Variants in PHACTR2 observed in about 807,000 individuals in gnomAD.
PHACTR2 encodes chromosome 6 open reading frame 56.
PHACTR2 carries 30 observed loss-of-function variants against 76.0 expected under a neutral mutation model. That is an observed-to-expected ratio of 0.39 (90% CI 0.30 to 0.54). The LOEUF is 0.54. Among genes scored for constraint, PHACTR2 ranks in the 20% least tolerant of loss-of-function variants. The probability of loss-of-function intolerance (pLI) is 0.61; values close to 1 mark genes in which losing one functional copy is unlikely to be tolerated. For missense variants in PHACTR2, 696 were observed against 781.1 expected (o/e 0.89, Z 1.30); for synonymous variants, 292 against 292.5 (o/e 1.00, Z 0.02).
rs1778124458 is a variant in PHACTR2 at position 143,709,572 on chromosome 6, C to G, written c.47-2444C>G. Among the ~76,000 whole-genome samples, 1 of 152,210 alleles carries G rather than the reference C, an allele frequency of 6.6e-6. No individual in the cohort carries two copies. Among genetic ancestry groups the G allele is most frequent in the Non-Finnish European group, 1.5e-5 (1 of 68,044 alleles). ...TTTTAACTGGCTTTGTCTGACACCT[C>G]TATAGCAGGGGAAGCAGTGGGTGCC... On this transcript the variant is annotated intron_variant, in intron 1 of 12. Transcript: ENST00000440869. This position sits in a 1 kb window ranked among gnomAD's most constrained non-coding sequence, Gnocchi z 4.4.
In PHACTR2 at chr6:143,652,923, T is replaced by G. The variant is rs2128446572; in HGVS notation, c.13+44601T>G. Among the ~76,000 whole-genome samples the G allele has an allele frequency of 6.6e-6, 1 of 152,342 alleles. No individual in the cohort carries two copies. Among genetic ancestry groups the G allele is most frequent in the East Asian group, 1.9e-4 (1 of 5,190 alleles). ...TGTGCAGGCACTGCACCCAGCACCT[T>G]CTCAGGAACATTCACATTATTTCCA... On this transcript the variant is annotated intron_variant, in intron 1 of 11. Coordinates refer to the PHACTR2 transcript ENST00000305766. The surrounding 1 kb of genome is among the most constrained non-coding windows in gnomAD (Gnocchi z 4.5).
intron 1 of PHACTR2, among the ~76,000 whole-genome samples, chr6:143,705,293 ATTT>A (rs142316800): frequency 2.0e-4 from 22 of 107,900 alleles, no homozygotes; most frequent in African/African-American, 6.0e-4. Flanking sequence ...TAATTTTTGC[ATTT>A]TTTTTTTTTT....
chr6:143,563,738 G>A (rs1775317804), intron 1 of PHACTR2, among the ~76,000 whole-genome samples: 2 of 151,872 alleles, frequency 1.3e-5, no homozygotes, highest in African/African-American at 4.8e-5. Flanking sequence ...GCTCATGCCT[G>A]TAATCCCAGC....
At chr6:143,707,469 A>C (rs1347894672) in intron 1 of PHACTR2, among the ~76,000 whole-genome samples, 1 of 152,174 alleles carries the variant, frequency 6.6e-6, no homozygotes, top group African/African-American at 2.4e-5. Flanking sequence ...TCTTTTATGG[A>C]GATTCTTTTC....
chr6:143,753,481 G>A lies in PHACTR2; in HGVS notation c.296-273G>A, dbSNP rs1779230139. Among the ~76,000 whole-genome samples the A allele has an allele frequency of 1.3e-5, 2 of 152,208 alleles. No individual in the cohort carries two copies. The highest frequency in any genetic ancestry group is 1.9e-4 in the East Asian group (1 of 5,178). ...TTCAGACAAACCTAAGCACATGAACGAGGGACTCTGCTGCCCTGGGATATT... is the reference window on the plus strand; with the variant it reads ...TTCAGACAAACCTAAGCACATGAACAAGGGACTCTGCTGCCCTGGGATATT... On this transcript the variant is annotated intron_variant, in intron 3 of 12. Transcript: ENST00000440869. This position sits in a 1 kb window ranked among gnomAD's most constrained non-coding sequence, Gnocchi z 4.6.
At chr6:143,677,576 A>G (rs111459147), upstream of PHACTR2, among the ~76,000 whole-genome samples, 66 of 152,356 alleles carry the variant, frequency 4.3e-4, 1 homozygote, top group African/African-American at 1.4e-3. Context: ...ATTTGTTAAA[A>G]GGAAGATAAT....
upstream of PHACTR2, among the ~76,000 whole-genome samples, chr6:143,675,346 G>A (rs1218121534): frequency 2.6e-5 from 4 of 152,138 alleles, no homozygotes; most frequent in Admixed American, 6.5e-5. The surrounding 1 kb of genome is among the most constrained non-coding windows in gnomAD (Gnocchi z 4.9). Context: ...GATATGATGC[G>A]GCATTATTAT....
rs895545614 is a variant in PHACTR2, at chr6:143,662,204, G to A, written c.14-49812G>A. 1.3e-5 allele frequency among the ~76,000 whole-genome samples: 2 copies of A among 152,030 alleles called. No homozygotes were observed. Among genetic ancestry groups the A allele is most frequent in the East Asian group, 3.8e-4 (2 of 5,198 alleles). On this transcript the variant is annotated intron_variant, in intron 1 of 11. Transcript: ENST00000305766. The surrounding 1 kb of genome is among the most constrained non-coding windows in gnomAD (Gnocchi z 4.7). Reference sequence around the variant, plus strand: ...ACTGAAATCCATTTTATATTAAAAAGCCTCTTCAATATGCACAACTTACCC... The same window carrying A: ...ACTGAAATCCATTTTATATTAAAAAACCTCTTCAATATGCACAACTTACCC...
intron 11 of PHACTR2, among the ~76,000 whole-genome samples, chr6:143,790,820 C>T (rs1775666179): frequency 6.6e-6 from 1 of 151,966 alleles, no homozygotes; most frequent in Non-Finnish European, 1.5e-5. Flanking sequence ...ACTACAGGCG[C>T]CCGCCACCAC....
chr6:143,744,069 GTAC>G (rs761765286), intron 2 of PHACTR2, among the ~76,000 whole-genome samples: 2 of 152,222 alleles, frequency 1.3e-5, no homozygotes, highest in Non-Finnish European at 1.5e-5. Context: ...GCCCAGTCGT[GTAC>G]TACACCCTGC....
chr6:143,694,375 G>C (rs989230920), intron 1 of PHACTR2, among the ~76,000 whole-genome samples: 3 of 152,150 alleles, frequency 2.0e-5, no homozygotes, highest in African/African-American at 7.2e-5. Context: ...AATTGATCGA[G>C]TAATGTTCAG....
intron 2 of PHACTR2, among the ~76,000 whole-genome samples, chr6:143,720,275 T>C (rs1434364211): frequency 3.9e-5 from 6 of 152,162 alleles, no homozygotes; most frequent in Admixed American, 3.3e-4. Context: ...AAACTTGCAT[T>C]CTAGTAGGAG....
rs1779453223 is a variant in PHACTR2, at chr6:143,761,988, T to C, written c.694+1348T>C. Among the ~76,000 whole-genome samples the C allele has an allele frequency of 6.6e-6, 1 of 152,082 alleles. No individual in the cohort carries two copies. The highest frequency in any genetic ancestry group is 2.4e-5 in the African/African-American group (1 of 41,426). On this transcript the variant is annotated intron_variant, in intron 5 of 12. Transcript: ENST00000440869. This position sits in a 1 kb window ranked among gnomAD's most constrained non-coding sequence, Gnocchi z 5.2. ...AGTGTCTGGGTCTCTTCTAATAAGC[T>C]CTAAACTGAAATTTCCCAGAATGAT...
In PHACTR2 at chr6:143,553,743, T is replaced by C. The variant is rs545363948; in HGVS notation, c.217+16536T>C. Among the ~76,000 whole-genome samples the C allele has an allele frequency of 1.1e-4, 16 of 152,262 alleles. No homozygotes were observed. In the East Asian group the frequency reaches 3.1e-3, roughly 29 times the overall value. On this transcript the variant is annotated intron_variant, in intron 1 of 11. Coordinates refer to the PHACTR2 transcript ENST00000367584. The surrounding 1 kb of genome is among the most constrained non-coding windows in gnomAD (Gnocchi z 4.2). Reference sequence around the variant, plus strand: ...TAGAGTTTGATCAAGAAAAGAGTCTTGCTGGGAGACAGAGACAATACACAA... The same window carrying C: ...TAGAGTTTGATCAAGAAAAGAGTCTCGCTGGGAGACAGAGACAATACACAA...
At chr6:143,799,085 G>T (rs537387237) in intron 11 of PHACTR2, among the ~76,000 whole-genome samples, 10 of 152,158 alleles carry the variant, frequency 6.6e-5, no homozygotes, top group Non-Finnish European at 1.3e-4. Context: ...TCTATTCAGA[G>T]ATTCAACTTC....
chr6:143,682,778 T>G (rs1045687772), intron 1 of PHACTR2, among the ~76,000 whole-genome samples: 9 of 138,288 alleles, frequency 6.5e-5, no homozygotes, highest in African/African-American at 2.1e-4. Context: ...GTTTTTTTGT[T>G]TTTTGTTTTT....
intron 12 of PHACTR2, among the ~76,000 whole-genome samples, chr6:143,808,232 C>A (rs1192044407): frequency 1.3e-5 from 2 of 151,302 alleles, no homozygotes; most frequent in Admixed American, 6.6e-5. Context: ...CGGGTTCAAG[C>A]GATTCTCCTG....
At chr6:143,720,218 T>A (rs1233124218) in intron 2 of PHACTR2, among the ~76,000 whole-genome samples, 1 of 152,212 alleles carries the variant, frequency 6.6e-6, no homozygotes, top group Non-Finnish European at 1.5e-5. Context: ...CTAGGGATAC[T>A]CTCATAGATT....
At position 143,722,296 on chromosome 6, in the gene PHACTR2, C is replaced by T. The variant is rs74791559; in HGVS notation, c.214+10113C>T. On this transcript the variant is annotated intron_variant, in intron 2 of 12. Transcript: ENST00000440869. The surrounding 1 kb of genome is among the most constrained non-coding windows in gnomAD (Gnocchi z 4.1). The stretch of plus-strand genomic sequence containing the variant: ...CACATTTCTTGGATGCTAGTTTCTC[C>T]GAAAGCACTAGAAGTCTCTGGCATT... Among the ~76,000 whole-genome samples the T allele has an allele frequency of 2.8e-3, 433 of 152,030 alleles. 2 individuals carry two copies. The highest frequency in any genetic ancestry group is 9.6e-3 in the African/African-American group (397 of 41,486).
Sources: allele counts gnomAD v4.1 joint callset (sites outside exome capture counted in the v4.1 genomes callset), GRCh38; gene constraint gnomAD v4.1.1; non-coding constraint Gnocchi (gnomAD v3.1); transcripts MANE v1.5; gene names NCBI Gene and HGNC (gene_info 2026-07-23, HGNC 2026-07-21).